FAF1: variants seen among roughly 807,000 people sequenced by gnomAD.
The protein encoded by FAF1 is FAS-associated factor 1.
FAF1 carries 25 observed loss-of-function variants against 92.5 expected under a neutral mutation model. The observed-to-expected ratio is 0.27, with a 90% CI of 0.20 to 0.38. The LOEUF is 0.38. Ranked by LOEUF, FAF1 falls within the 10% of genes least tolerant of loss-of-function variation. The pLI, the probability that FAF1 is intolerant of heterozygous loss-of-function variation, is 1.00. For synonymous variants in FAF1, 234 were observed against 273.2 expected, an observed-to-expected ratio of 0.86 and a Z score of 1.42; for missense variants, 636 against 793.3, an observed-to-expected ratio of 0.80 and a Z score of 2.38.
chr1:50,538,825 T>C (rs1030719336), intron 14 of FAF1, among the ~76,000 whole-genome samples: 1 of 152,034 alleles, frequency 6.6e-6, no homozygotes, highest in African/African-American at 2.4e-5. Flanking sequence ...AGAGGTCTGG[T>C]TTTATTTGGG....
intron 8 of FAF1, among the ~76,000 whole-genome samples, chr1:50,611,353 G>GA (rs1487232792): frequency 6.6e-6 from 1 of 152,022 alleles, no homozygotes; most frequent in Non-Finnish European, 1.5e-5. Context: ...AAAGAAAAAG[G>GA]AAAAACCTCA....
In FAF1 at chr1:50,708,438, G is replaced by C. The variant is rs368506478; in HGVS notation, c.552-2547C>G. On this transcript the variant is annotated intron_variant, in intron 6 of 18. Transcript: ENST00000396153. ...ACAAGAAAAAGTGGAGTAGTGGCAG[G>C]TGAGGTGGAGAAATTGAGAGTGAAG... 1.7e-4 allele frequency among the ~76,000 whole-genome samples: 26 copies of C among 152,216 alleles called. No homozygotes were observed. In the East Asian group the frequency reaches 4.4e-3, roughly 26 times the overall value.
chr1:50,913,076 C>T (rs1350806020), intron 1 of FAF1, among the ~76,000 whole-genome samples: 1 of 152,152 alleles, frequency 6.6e-6, no homozygotes, highest in Non-Finnish European at 1.5e-5. Flanking sequence ...TATAAAAATG[C>T]TCTGTCACTT....
chr1:50,728,593 C>T (rs943302275), intron 6 of FAF1, among the ~76,000 whole-genome samples: 1 of 151,828 alleles, frequency 6.6e-6, no homozygotes, highest in Admixed American at 6.6e-5. Context: ...AAGTTTGAGA[C>T]CAGCCTAGCC....
intron 18 of FAF1, among the ~76,000 whole-genome samples, chr1:50,472,402 C>CAT (rs1572766678): frequency 6.6e-6 from 1 of 150,834 alleles, no homozygotes; most frequent in Non-Finnish European, 1.5e-5. Context: ...CACACACACA[C>CAT]ACACACACAC....
intron 15 of FAF1, among the ~76,000 whole-genome samples, chr1:50,527,870 T>C (rs74587801): frequency 8.6e-5 from 11 of 128,514 alleles, no homozygotes; most frequent in Non-Finnish European, 1.4e-4. Context: ...CCTCTCTCCC[T>C]CTCTCTCTCT....
chr1:50,467,784 T>C (rs1472087414), intron 18 of FAF1, among the ~76,000 whole-genome samples: 1 of 152,218 alleles, frequency 6.6e-6, no homozygotes, highest in Non-Finnish European at 1.5e-5. Context: ...ACCTCTTTTG[T>C]GCCTCAGTTT....
At chr1:50,641,519 T>C (rs937598653) in intron 8 of FAF1, among the ~76,000 whole-genome samples, 1 of 152,098 alleles carries the variant, frequency 6.6e-6, no homozygotes, top group African/African-American at 2.4e-5. Flanking sequence ...GATACATAAT[T>C]TAATTATGTT....
intron 7 of FAF1, among the ~76,000 whole-genome samples, chr1:50,683,092 G>A (rs1656495845): frequency 6.6e-6 from 1 of 151,854 alleles, no homozygotes; most frequent in Admixed American, 6.6e-5. Context: ...AATTTAACAA[G>A]AAATTAAAAA....
intron 7 of FAF1, among the ~76,000 whole-genome samples, chr1:50,695,890 C>A (rs1657183930): frequency 6.6e-6 from 1 of 150,966 alleles, no homozygotes; most frequent in Admixed American, 6.6e-5. Context: ...CTCAGGTGAT[C>A]CATTCGCCTC....
chr1:50,726,696 G>A (rs1179697136), intron 6 of FAF1, among the ~76,000 whole-genome samples: 1 of 152,162 alleles, frequency 6.6e-6, no homozygotes, highest in Non-Finnish European at 1.5e-5. Context: ...GGGCGTGGTG[G>A]CGGGCACCTG....
At chr1:50,882,595 C>G (rs1382166646) in intron 1 of FAF1, among the ~76,000 whole-genome samples, 2 of 141,498 alleles carry the variant, frequency 1.4e-5, no homozygotes, top group East Asian at 4.0e-4. Context: ...GAGCAAGACT[C>G]TGTCTTAAAT....
chr1:50,489,518 T>C (rs1328359514), intron 17 of FAF1, among the ~76,000 whole-genome samples: 2 of 152,240 alleles, frequency 1.3e-5, no homozygotes, highest in African/African-American at 2.4e-5. Flanking sequence ...ACCTTAGGCA[T>C]ACCTCTATAA....
chr1:50,922,471 A>AAG (rs1644971916), intron 1 of FAF1, among the ~76,000 whole-genome samples: 1 of 147,650 alleles, frequency 6.8e-6, no homozygotes, highest in South Asian at 2.1e-4. Flanking sequence ...AAAAAAAAAA[A>AAG]AAAAAAAAAA....
chr1:50,561,891 A>AAGGAAGGAAGGG (rs918083722), intron 13 of FAF1, among the ~76,000 whole-genome samples: 2 of 151,594 alleles, frequency 1.3e-5, no homozygotes, highest in African/African-American at 2.4e-5. Flanking sequence ...GGAAGGAAGG[A>AAGGAAGGAAGGG]AGGAAGTTGT....
At chr1:50,773,289 A>G (rs1038684261) in intron 4 of FAF1, among the ~76,000 whole-genome samples, 1 of 152,220 alleles carries the variant, frequency 6.6e-6, no homozygotes, top group Non-Finnish European at 1.5e-5. Context: ...TAAGTATGAC[A>G]TTTAAAAATG....
rs1405931503 is a variant in FAF1 at position 50,843,664 on chromosome 1, A to ACCT, written c.114+14264_114+14265insAGG. On this transcript the variant is annotated intron_variant, in intron 2 of 18. Coordinates refer to ENST00000396153, the MANE Select transcript of FAF1 (RefSeq NM_007051.3). ...TTCTGTGCCTGATGTTTTATTTAAC[A>ACCT]TAATGTCCTCCCGTTCTACCCATGT... is the stretch of plus-strand genomic sequence containing the variant. 8.5e-5 allele frequency among the ~76,000 whole-genome samples: 13 copies of ACCT among 152,190 alleles called. 1 individual carries two copies. Among genetic ancestry groups the ACCT allele is most frequent in the South Asian group, 4.1e-4 (2 of 4,824 alleles).
chr1:50,859,693 GATTCAATGCTATTCCT>G (rs1286408100), intron 1 of FAF1, among the ~76,000 whole-genome samples: 6 of 151,876 alleles, frequency 4.0e-5, no homozygotes, highest in Non-Finnish European at 5.9e-5. Context: ...GCAATCCAGA[GATTCAATGCTATTCCT>G]ATCAAACTAC....
At chr1:50,697,837 G>A (rs190231155) in intron 7 of FAF1, among the ~76,000 whole-genome samples, 272 of 152,002 alleles carry the variant, frequency 1.8e-3, no homozygotes, top group Non-Finnish European at 3.1e-3. Flanking sequence ...AGGGTAATAA[G>A]GTACTATACT....
Sources: gnomAD v4.1 joint callset for allele counts (sites outside exome capture counted in the v4.1 genomes callset) on GRCh38, gnomAD v4.1.1 for gene constraint, MANE v1.5 for transcripts, NCBI Gene and HGNC (gene_info 2026-07-23, HGNC 2026-07-21) for gene names.